The following LRP1B variants were observed in gnomAD, a reference collection of about 807,000 sequenced individuals.
LRP1B encodes low-density lipoprotein receptor-related protein 1B.
A neutral mutation model predicts 556.6 loss-of-function variants in LRP1B; 217 were observed. The observed-to-expected ratio is 0.39, with a 90% CI of 0.35 to 0.44. LRP1B has a LOEUF of 0.44. Among genes scored for constraint, LRP1B ranks in the 20% least tolerant of loss-of-function variants. LRP1B has a pLI of 1.00. For missense variants in LRP1B, 5,053 were observed against 5,620.8 expected, an observed-to-expected ratio of 0.90 and a Z score of 3.23; for synonymous variants, 2,047 against 1,865.8, an observed-to-expected ratio of 1.10 and a Z score of -2.50.
At chr2:140,352,820 G>T in intron 76 of LRP1B, 133 bp downstream of exon 76, 1 of 831,794 alleles carries the variant, frequency 1.2e-6, no homozygotes, top group Non-Finnish European at 1.8e-6. Flanking sequence ...TAACCAACTG[G>T]CCAAATTAAT....
chr2:141,624,796 G>A (rs1468803909), intron 2 of LRP1B, among the ~76,000 whole-genome samples: 1 of 151,928 alleles, frequency 6.6e-6, no homozygotes, highest in African/African-American at 2.4e-5. Flanking sequence ...TTGAGATGGG[G>A]TCTCGCGCTG....
At chr2:140,310,640 A>C (rs1684258872) in intron 83 of LRP1B, among the ~76,000 whole-genome samples, 1 of 151,856 alleles carries the variant, frequency 6.6e-6, no homozygotes, top group Non-Finnish European at 1.5e-5. Context: ...AGAAATATAC[A>C]ATGTGGAAAG....
chr2:142,113,948 C>T (rs913618057), intron 1 of LRP1B, among the ~76,000 whole-genome samples: 5 of 152,110 alleles, frequency 3.3e-5, no homozygotes, highest in Non-Finnish European at 7.4e-5. Flanking sequence ...ACCAATGAAT[C>T]CAGACTCAGT....
chr2:141,643,667 A>G (rs1689428141), intron 2 of LRP1B, among the ~76,000 whole-genome samples: 1 of 152,142 alleles, frequency 6.6e-6, no homozygotes, highest in African/African-American at 2.4e-5. Flanking sequence ...TTGAGCTAAA[A>G]AGGATCAAAG....
chr2:140,378,775 CCCAGAAAATCTGGAGTT>C (rs1683347826), intron 67 of LRP1B, among the ~76,000 whole-genome samples: 1 of 151,988 alleles, frequency 6.6e-6, no homozygotes, highest in Non-Finnish European at 1.5e-5. Flanking sequence ...CAATTTTGTC[CCCAGAAAATCTGGAGTT>C]CCTGGAACAA....
chr2:141,306,901 T>C (rs937620937), intron 3 of LRP1B, among the ~76,000 whole-genome samples: 3 of 152,278 alleles, frequency 2.0e-5, no homozygotes, highest in African/African-American at 7.2e-5. Flanking sequence ...AATTTCAATA[T>C]ATTTGTTCAG....
chr2:140,716,946 T>G, intron 35 of LRP1B, 130 bp from the exon 36 acceptor site: 1 of 428,476 alleles, frequency 2.3e-6, no homozygotes, highest in South Asian at 8.6e-5. Context: ...TTAAGTATTC[T>G]TCAGGATAAT....
intron 7 of LRP1B, among the ~76,000 whole-genome samples, chr2:141,131,430 T>TATATATA (rs67252411): frequency 1.4e-5 from 2 of 146,000 alleles, no homozygotes; most frequent in African/African-American, 5.0e-5. Context: ...TATATATATA[T>TATATATA]TTGCTCTTAG....
intron 2 of LRP1B, among the ~76,000 whole-genome samples, chr2:141,768,436 T>C (rs10170191): frequency 0.13 from 20,221 of 152,194 alleles, 1,475 homozygotes; most frequent in Non-Finnish European, 0.16. Context: ...AAAAGTGGCA[T>C]TTCCAGTATA....
At chr2:140,575,394 A>C (rs1681479488) in intron 43 of LRP1B, among the ~76,000 whole-genome samples, 1 of 152,180 alleles carries the variant, frequency 6.6e-6, no homozygotes, top group Admixed American at 6.5e-5. Flanking sequence ...ATATAGACAT[A>C]ATTAACTAAA....
At chr2:141,956,882 T>C (rs921737939) in intron 1 of LRP1B, among the ~76,000 whole-genome samples, 1 of 152,036 alleles carries the variant, frequency 6.6e-6, no homozygotes, top group African/African-American at 2.4e-5. Flanking sequence ...TAGAATAGAA[T>C]TATTTCTCCA....
At chr2:140,422,971 G>A (rs532883911) in intron 66 of LRP1B, among the ~76,000 whole-genome samples, 1 of 152,278 alleles carries the variant, frequency 6.6e-6, no homozygotes, top group East Asian at 1.9e-4. Flanking sequence ...CCATCTGTCA[G>A]TAAGATGCTG....
chr2:140,330,075 C>A (rs958174714), intron 79 of LRP1B, among the ~76,000 whole-genome samples: 2 of 151,468 alleles, frequency 1.3e-5, no homozygotes, highest in African/African-American at 4.8e-5. Flanking sequence ...TAGCAGGTGC[C>A]TGTAATCCCA....
chr2:141,731,476 A>T (rs569287635), intron 2 of LRP1B, among the ~76,000 whole-genome samples: 1 of 152,192 alleles, frequency 6.6e-6, no homozygotes, highest in Admixed American at 6.6e-5. Flanking sequence ...ACCTCCATTT[A>T]TTGCTCCATT....
chr2:141,163,322 C>G (rs1298587588), intron 7 of LRP1B, among the ~76,000 whole-genome samples: 1 of 151,932 alleles, frequency 6.6e-6, no homozygotes, highest in Non-Finnish European at 1.5e-5. Flanking sequence ...CATATATTTC[C>G]AAGAACTAAA....
chr2:141,443,198 TCA>T (rs1681050954), intron 3 of LRP1B, among the ~76,000 whole-genome samples: 2 of 152,226 alleles, frequency 1.3e-5, no homozygotes, highest in Admixed American at 1.3e-4. Flanking sequence ...GAGCTTTTTT[TCA>T]TATGTTTGTT....
chr2:141,493,308 C>T (rs1054654353), intron 2 of LRP1B, among the ~76,000 whole-genome samples: 2 of 152,018 alleles, frequency 1.3e-5, no homozygotes, highest in Admixed American at 1.3e-4. Flanking sequence ...CTCAATCTGC[C>T]TTTTTTGTGT....
Position 140,867,693 on chromosome 2 carries a change from C to A in LRP1B, c.4476G>T (p.Leu1492Phe). ...GCCCTGTCCACTTATTGGCTTTGGA[C>A]AATGTGTTGGTCCTCCAGTCTGTCC... ...VYWTDWRTNT[L>F]SKANKWTGQN... Residue 1492 changes from leucine to phenylalanine, a missense_variant, in exon 27 of 91, where the codon TTG becomes TTT. Coordinates refer to ENST00000389484, the MANE Select transcript of LRP1B (RefSeq NM_018557.3). The A allele has an allele frequency of 6.2e-7, 1 of 1,613,498 alleles. No homozygotes were observed.
chr2:141,772,123 C>T (rs1056417765), intron 2 of LRP1B, among the ~76,000 whole-genome samples: 4 of 152,030 alleles, frequency 2.6e-5, no homozygotes, highest in African/African-American at 9.7e-5. Context: ...TCTCTTTCTA[C>T]CATGTGAGGA....
Sources: gnomAD v4.1 joint callset for allele counts (sites outside exome capture counted in the v4.1 genomes callset) on GRCh38, gnomAD v4.1.1 for gene constraint, MANE v1.5 for transcripts, NCBI Gene and HGNC (gene_info 2026-07-23, HGNC 2026-07-21) for gene names.